The following COL12A1 variants were observed in gnomAD, a reference collection of about 807,000 sequenced individuals.
The protein encoded by COL12A1 is collagen alpha-1(XII) chain.
Under a neutral mutation model 349.7 loss-of-function variants are expected in COL12A1, and 114 were observed. The ratio of observed to expected loss-of-function variants is 0.33; its 90% CI spans 0.28 to 0.38. COL12A1 has a LOEUF of 0.38. COL12A1 is among the 10% of genes least tolerant of loss of function. The pLI is 1.00. For missense variants in COL12A1, 3,284 were observed against 3,756.9 expected (o/e 0.87, Z 3.29); for synonymous variants, 1,369 against 1,329.0 (o/e 1.03, Z -0.66).
Position 75,145,999 on chromosome 6 carries a change from C to G in COL12A1, c.4560+103G>C, listed in dbSNP as rs77835025. 9.6e-6 allele frequency: 12 copies of G among 1,252,648 alleles called. No individual in the cohort carries two copies. The South Asian group carries it at 2.4e-4, about 25-fold the overall frequency. 77.6% of individuals were successfully genotyped at this position (1,252,648 alleles called of 1,614,324 possible). A position where few individuals can be genotyped will look rare whatever the true frequency, so the allele number is the denominator to read the frequency against. ...TACTTTTCTATTTTTCCATTTTGTA[C>G]GTAAAGTTATAAATGAGTTTGTAAG... On this transcript the variant is annotated intron_variant, in intron 24 of 65. Coordinates refer to ENST00000322507, the MANE Select transcript of COL12A1 (RefSeq NM_004370.6).
At chr6:75,192,855 C>T (rs1770017652) in intron 3 of COL12A1, among the ~76,000 whole-genome samples, 1 of 152,102 alleles carries the variant, frequency 6.6e-6, no homozygotes, top group Non-Finnish European at 1.5e-5. Flanking sequence ...ATTCCATACT[C>T]AAATGGCTAC....
chr6:75,202,862 G>T (rs1770602970), intron 1 of COL12A1, 35 bp from the exon 2 acceptor site: 20 of 1,421,032 alleles, frequency 1.4e-5, no homozygotes, highest in Non-Finnish European at 1.9e-5. Context: ...TCAGAACTGG[G>T]TCTGGGCAGG....
At chr6:75,150,998 T>C in intron 21 of COL12A1, 143 bp downstream of exon 21, 1 of 536,680 alleles carries the variant, frequency 1.9e-6, no homozygotes, top group East Asian at 3.2e-5. Context: ...GGGATGCTAC[T>C]GACATCCAAC....
At chr6:75,171,850 A>G (rs1418442304) in intron 13 of COL12A1, among the ~76,000 whole-genome samples, 1 of 152,240 alleles carries the variant, frequency 6.6e-6, no homozygotes, top group Non-Finnish European at 1.5e-5. Flanking sequence ...GCTTTCACAT[A>G]TTTGTCAAGT....
intron 47 of COL12A1, among the ~76,000 whole-genome samples, chr6:75,117,053 C>T (rs1477831764): frequency 6.6e-6 from 1 of 152,076 alleles, no homozygotes; most frequent in African/African-American, 2.4e-5. Flanking sequence ...ATGGGGAAAA[C>T]CTTCATCTCA....
At chr6:75,130,719 G>C (rs763880860) in intron 36 of COL12A1, 133 bp downstream of exon 36, 11 of 1,152,608 alleles carry the variant, frequency 9.5e-6, no homozygotes, top group Non-Finnish European at 1.3e-5. Context: ...TTTTCGCCTG[G>C]AATGTAAATG....
rs777667733 is a variant in COL12A1, at chr6:75,128,455, T to G, written c.6211-30A>C. The G allele has an allele frequency of 2.0e-6, 3 of 1,524,020 alleles. No homozygotes were observed. In the East Asian group the frequency reaches 7.2e-5, roughly 36 times the overall value. 94.4% of individuals were successfully genotyped at this position (1,524,020 alleles called of 1,614,324 possible). On this transcript the variant is annotated intron_variant, in intron 37 of 65. Coordinates refer to ENST00000322507, the MANE Select transcript of COL12A1 (RefSeq NM_004370.6). The stretch of plus-strand genomic sequence containing the variant: ...AGAGGAAGTTAAATTATAAATATAT[T>G]ACCATCTAGAAGACTTCCAGATCAA...
chr6:75,147,698 G>A lies in COL12A1; in HGVS notation c.4394C>T (p.Pro1465Leu), dbSNP rs1767269030. 1 of 1,610,478 alleles carries A rather than the reference G, an allele frequency of 6.2e-7. No individual in the cohort carries two copies. Among genetic ancestry groups the A allele is most frequent in the Non-Finnish European group, 8.5e-7 (1 of 1,178,640 alleles). Residue 1465 changes from proline to leucine, a missense_variant, in exon 23 of 66, where the codon CCT becomes CTT. Around this residue, in one of 2 missense-constraint regions of COL12A1, gnomAD observed 2,601 missense variants for 2,824.8 expected, o/e 0.92. Coordinates refer to ENST00000322507, the MANE Select transcript of COL12A1 (RefSeq NM_004370.6). ...YSVVEDEYSE[P>L]LKGTEKTLPV... ...ACAGGTTTTTTCTGTCCCCTTCAGA[G>A]GCTCACTATATTCATCTTCTACCAC...
rs1294234005 is a variant in COL12A1 at position 75,154,437 on chromosome 6, C to G, written c.3544G>C (p.Val1182Leu). The G allele has an allele frequency of 6.2e-7, 1 of 1,612,136 alleles. No homozygotes were observed. Among genetic ancestry groups the G allele is most frequent in the Admixed American group, 1.7e-5 (1 of 59,860 alleles). ...QEMTTLSDTT[V>L]MPILSSGMEC... ...TTACCAGAAGATAAAATTGGCATAA[C>G]AGTTGTGTCGGAAAGGGTTGTCATT... is the stretch of plus-strand genomic sequence containing the variant. Residue 1182 changes from valine to leucine, a missense_variant, in exon 17 of 66, where the codon GTT becomes CTT. This residue lies in a region of COL12A1 where 2,601 missense variants were observed against 2,824.8 expected (regional missense o/e 0.92). Coordinates refer to ENST00000322507, the MANE Select transcript of COL12A1 (RefSeq NM_004370.6).
At chr6:75,110,237 A>G (rs538233273) in intron 51 of COL12A1, among the ~76,000 whole-genome samples, 63 of 152,176 alleles carry the variant, frequency 4.1e-4, no homozygotes, top group African/African-American at 1.5e-3. Context: ...TTTTTGGCTC[A>G]TATATGAACA....
At chr6:75,138,087 T>A (rs1267643179) in intron 30 of COL12A1, among the ~76,000 whole-genome samples, 1 of 152,150 alleles carries the variant, frequency 6.6e-6, no homozygotes, top group East Asian at 1.9e-4. Context: ...TTTCTGTTAT[T>A]TATGCCATCC....
At chr6:75,126,258 G>T in intron 39 of COL12A1, 93 bp downstream of exon 39, 2 of 1,422,790 alleles carry the variant, frequency 1.4e-6, no homozygotes, top group Non-Finnish European at 1.9e-6. Flanking sequence ...TGAACTCTCA[G>T]GAGAACCCAA....
chr6:75,125,066 G>A, intron 40 of COL12A1, 61 bp downstream of exon 40: 1 of 1,472,400 alleles, frequency 6.8e-7, no homozygotes, highest in Non-Finnish European at 9.1e-7. Flanking sequence ...AATTAAAACA[G>A]GCTGACCTGG....
chr6:75,172,756 T>C (rs1768702603), intron 13 of COL12A1, among the ~76,000 whole-genome samples: 1 of 152,254 alleles, frequency 6.6e-6, no homozygotes, highest in Non-Finnish European at 1.5e-5. Context: ...TTACCAATTA[T>C]ATTTGAAATA....
chr6:75,147,649 A>T (rs778034863), intron 23 of COL12A1, 26 bp downstream of exon 23: 2 of 1,574,978 alleles, frequency 1.3e-6, no homozygotes, highest in African/African-American at 2.8e-5. Context: ...GAAAGCAATG[A>T]GAAACAATTT....
rs1266446724 is a variant in COL12A1, at chr6:75,175,255, T to C, written c.2493A>G (p.Lys831=). Residue 831 remains lysine (K), a synonymous_variant, in exon 13 of 66, where the codon AAA becomes AAG. Transcript: ENST00000322507. The stretch of plus-strand genomic sequence containing the variant: ...TTCCTGGTGCCCCACTCCAAGATAA[T>C]TTCATAGTAGACGTCGTAGGGTCAG... ...RVSDPTTSTM[K]LSWSGAPGKV... The C allele has an allele frequency of 6.2e-7, 1 of 1,614,210 alleles. No individual in the cohort carries two copies. Among genetic ancestry groups the C allele is most frequent in the Non-Finnish European group, 8.5e-7 (1 of 1,180,032 alleles).
intron 3 of COL12A1, 56 bp downstream of exon 3, chr6:75,194,775 G>T: frequency 9.1e-7 from 1 of 1,102,592 alleles, no homozygotes; most frequent in Non-Finnish European, 1.3e-6. Context: ...AAGAGGTGGA[G>T]ATTGAGTTAT....
At position 75,183,148 on chromosome 6, in the gene COL12A1, G is replaced by A; in HGVS notation, c.1793C>T (p.Thr598Ile). 6.2e-7 allele frequency: 1 copy of A among 1,614,122 alleles called. No homozygotes were observed. The highest frequency in any genetic ancestry group is 8.5e-7 in the Non-Finnish European group (1 of 1,180,034). Reference protein sequence around the residue: ...ASPPAETHVFTVEDFDAFQRI... With the variant: ...ASPPAETHVFIVEDFDAFQRI... ...CTGAAAAGCATCAAAATCTTCCACT[G>A]TGAACACATGGGTCTCTGCAGGAGG... Residue 598 changes from threonine (T) to isoleucine (I), a missense_variant, in exon 10 of 66, where the codon ACA (threonine) becomes ATA (isoleucine). Around this residue, in one of 2 missense-constraint regions of COL12A1, gnomAD observed 2,601 missense variants for 2,824.8 expected, o/e 0.92. Transcript: ENST00000322507.
intron 14 of COL12A1, among the ~76,000 whole-genome samples, chr6:75,157,197 A>G (rs1446103208): frequency 6.6e-6 from 1 of 152,182 alleles, no homozygotes; most frequent in Non-Finnish European, 1.5e-5. Context: ...TAATAACGCT[A>G]TATGAAATAA....
Sources: allele counts gnomAD v4.1 joint callset (sites outside exome capture counted in the v4.1 genomes callset), GRCh38; gene constraint gnomAD v4.1.1; regional missense constraint gnomAD v4.1.1; transcripts MANE v1.5; gene names NCBI Gene and HGNC (gene_info 2026-07-23, HGNC 2026-07-21).